Variants in TEX9 observed in about 807,000 individuals in gnomAD.
TEX9 encodes the protein testis-expressed protein 9.
TEX9 carries 74 observed loss-of-function variants against 59.6 expected under a neutral mutation model. The observed-to-expected ratio is 1.24, with a 90% CI of 1.03 to 1.51. TEX9 has a LOEUF of 1.51. TEX9 is among the 40% of genes most tolerant of loss of function. The probability of loss-of-function intolerance (pLI) is 0.00; values close to 1 mark genes in which losing one functional copy is unlikely to be tolerated. For synonymous variants in TEX9, 186 were observed against 152.2 expected (o/e 1.22, Z -1.64); for missense variants, 522 against 447.8 (o/e 1.17, Z -1.49).
In TEX9 at chr15:56,346,133, A is replaced by G. The variant is rs547661120; in HGVS notation, c.-106-27308A>G. The stretch of plus-strand genomic sequence containing the variant: ...TGAGATCTAACCAACCACAATAAAT[A>G]CTCAGGGTTTCTTCAGAAAAACAGA... On this transcript the variant is annotated intron_variant, in intron 1 of 5. Coordinates refer to the TEX9 transcript ENST00000560827. Among the ~76,000 whole-genome samples, 54 of 152,258 alleles carry G rather than the reference A, an allele frequency of 3.5e-4. No homozygotes were observed. The South Asian group carries it at 0.011, about 31-fold the overall frequency.
intron 9 of TEX9, chr15:56,396,077 C>G (rs1188035158): frequency 6.6e-6 from 1 of 151,938 alleles, no homozygotes; most frequent in Non-Finnish European, 1.5e-5. Flanking sequence ...TATTAGTGTG[C>G]CATTGTGAAA....
chr15:56,460,009 A>AAAAAATATATATAT, the TEX9 span, among the ~76,000 whole-genome samples: 9 of 26,386 alleles, frequency 3.4e-4, 2 homozygotes, highest in South Asian at 1.5e-3. Flanking sequence ...AAAAAAAAAA[A>AAAAAATATATATAT]ATACATATAT....
chr15:56,431,236 C>T, intron 12 of TEX9: 1 of 932,434 alleles, frequency 1.1e-6, no homozygotes, highest in Non-Finnish European at 1.6e-6. Context: ...GGTTCAGTGC[C>T]TGGACAGGAG....
intron 1 of TEX9, among the ~76,000 whole-genome samples, chr15:56,287,370 G>T (rs961985185): frequency 4.6e-5 from 7 of 151,928 alleles, no homozygotes; most frequent in African/African-American, 9.7e-5. Flanking sequence ...GAAAAGCAAA[G>T]AACTTAACTT....
chr15:56,434,241 A>G, intron 12 of TEX9: 1 of 1,613,926 alleles, frequency 6.2e-7, no homozygotes, highest in Non-Finnish European at 8.5e-7. Flanking sequence ...CATTAATTCT[A>G]TTCGATCATC....
intron 1 of TEX9, among the ~76,000 whole-genome samples, chr15:56,333,122 A>G (rs1046628379): frequency 7.2e-5 from 11 of 152,190 alleles, no homozygotes; most frequent in Admixed American, 6.6e-4. Flanking sequence ...TCATACTCCA[A>G]CTATTCTGAA....
downstream of TEX9, chr15:56,446,748 A>G: frequency 1.1e-6 from 1 of 898,662 alleles, no homozygotes; most frequent in Admixed American, 2.5e-5. Flanking sequence ...AGCAGTGTAA[A>G]TTCTTTATAC....
intron 1 of TEX9, among the ~76,000 whole-genome samples, chr15:56,249,453 GGGAGGGAGGGAGGGAAGAAA>G (rs1307501707): frequency 6.6e-6 from 1 of 151,366 alleles, no homozygotes; most frequent in Non-Finnish European, 1.5e-5. Flanking sequence ...GAGAGAGAGA[GGGAGGGAGGGAGGGAAGAAA>G]GGAGGGAGGG....
At chr15:56,443,580 A>C (rs569888725) in intron 12 of TEX9, 1 of 1,584,274 alleles carries the variant, frequency 6.3e-7, no homozygotes, top group African/African-American at 1.4e-5. Flanking sequence ...TAGGATCCAA[A>C]TTCTGTAACT....
At chr15:56,414,460 T>C (rs1365979959) in intron 10 of TEX9, among the ~76,000 whole-genome samples, 5 of 151,838 alleles carry the variant, frequency 3.3e-5, no homozygotes, top group Non-Finnish European at 7.4e-5. Flanking sequence ...GTTCTTATCA[T>C]TTAGCTCCCA....
At chr15:56,349,758 T>TATACACACGTGTATATAC (rs2141870114) in intron 1 of TEX9, among the ~76,000 whole-genome samples, 1 of 152,142 alleles carries the variant, frequency 6.6e-6, no homozygotes, top group African/African-American at 2.4e-5. Context: ...TGTGTATATA[T>TATACACACGTGTATATAC]ATACACACGT....
chr15:56,335,316 A>G (rs973989777), intron 1 of TEX9, among the ~76,000 whole-genome samples: 3 of 152,214 alleles, frequency 2.0e-5, no homozygotes, highest in Non-Finnish European at 4.4e-5. Context: ...CTATTCAGCC[A>G]TAAAAAGAAT....
At chr15:56,447,438 T>A (rs1027205523), downstream of TEX9, 1 of 152,184 alleles carries the variant, frequency 6.6e-6, no homozygotes, top group Admixed American at 6.5e-5. Context: ...TAGTATATCC[T>A]TCTAATTATT....
intron 12 of TEX9, among the ~76,000 whole-genome samples, chr15:56,433,662 A>T (rs186959467): frequency 6.6e-6 from 1 of 152,060 alleles, no homozygotes; most frequent in Admixed American, 6.6e-5. Flanking sequence ...TCTACCTTCA[A>T]TGCTCTCACT....
chr15:56,320,563 G>T (rs1482523792), intron 1 of TEX9, among the ~76,000 whole-genome samples: 2 of 152,152 alleles, frequency 1.3e-5, no homozygotes, highest in African/African-American at 4.8e-5. Flanking sequence ...ACTCACCCTG[G>T]TGTTGTTTCT....
At chr15:56,431,438 T>C in intron 12 of TEX9, 1 of 1,613,744 alleles carries the variant, frequency 6.2e-7, no homozygotes, top group Non-Finnish European at 8.5e-7. Context: ...TCTTCTTCAA[T>C]AATTGCATTA....
intron 12 of TEX9, chr15:56,429,022 C>T: frequency 1.2e-6 from 1 of 834,822 alleles, no homozygotes; most frequent in Non-Finnish European, 1.8e-6. Flanking sequence ...CCTAATGCCA[C>T]TGAACTGTAA....
intron 1 of TEX9, among the ~76,000 whole-genome samples, chr15:56,271,432 A>T (rs112355936): frequency 0.018 from 2,761 of 152,164 alleles, 83 homozygotes; most frequent in African/African-American, 0.064. Context: ...GGAATCGGCT[A>T]CTGAAGCTTG....
chr15:56,303,561 T>C (rs1476038121), intron 1 of TEX9, among the ~76,000 whole-genome samples: 3 of 152,066 alleles, frequency 2.0e-5, no homozygotes, highest in Admixed American at 6.5e-5. Flanking sequence ...CCAAAATTTA[T>C]AGCAATGAGT....
Sources: gnomAD v4.1 joint callset for allele counts (sites outside exome capture counted in the v4.1 genomes callset) on GRCh38, gnomAD v4.1.1 for gene constraint, MANE v1.5 for transcripts, NCBI Gene and HGNC (gene_info 2026-07-23, HGNC 2026-07-21) for gene names.